RGMB: variants seen among roughly 807,000 people sequenced by gnomAD.
RGMB encodes repulsive guidance molecule B.
RGMB carries 16 observed loss-of-function variants against 26.9 expected under a neutral mutation model. That is an observed-to-expected ratio of 0.60 (90% confidence interval 0.40 to 0.90). The LOEUF is 0.90. RGMB is among the 40% of genes least tolerant of loss of function. The pLI is 0.00. For missense variants in RGMB, 512 were observed against 573.3 expected (o/e 0.89, Z 1.09); for synonymous variants, 225 against 229.3 (o/e 0.98, Z 0.17).
intron 2 of RGMB, among the ~76,000 whole-genome samples, chr5:98,781,922 T>C (rs1004883446): frequency 6.6e-6 from 1 of 152,214 alleles, no homozygotes; most frequent in African/African-American, 2.4e-5. Flanking sequence ...TTGTAATTTT[T>C]AGCAAATAAA....
chr5:98,772,335 T>A (rs1746192958), upstream of RGMB, among the ~76,000 whole-genome samples: 1 of 152,198 alleles, frequency 6.6e-6, no homozygotes, highest in Non-Finnish European at 1.5e-5. Flanking sequence ...TCAAAATGTG[T>A]CTAATAAGTG....
chr5:98,785,673 G>A (rs781459759), intron 2 of RGMB, among the ~76,000 whole-genome samples: 16 of 152,134 alleles, frequency 1.1e-4, no homozygotes, highest in Admixed American at 4.6e-4. Flanking sequence ...TGTCATAGTC[G>A]CCAGTTCTTA....
chr5:98,790,110 T>C (rs1227198978), intron 2 of RGMB, among the ~76,000 whole-genome samples: 1 of 152,224 alleles, frequency 6.6e-6, no homozygotes, highest in Non-Finnish European at 1.5e-5. Context: ...CATGTTGTAA[T>C]TGTTATGAGG....
chr5:98,778,053 GAAATTTAAAATTTA>G (rs936972379), intron 1 of RGMB, among the ~76,000 whole-genome samples: 3 of 152,140 alleles, frequency 2.0e-5, no homozygotes, highest in African/African-American at 4.8e-5. Context: ...AAGAAGATTT[GAAATTTAAAATTTA>G]AAATTTAAAA....
At chr5:98,780,209 A>C (rs1443432613) in intron 2 of RGMB, 121 bp downstream of exon 2, 2 of 856,206 alleles carry the variant, frequency 2.3e-6, no homozygotes, top group Non-Finnish European at 3.6e-6. Context: ...TTTGAAAAGC[A>C]ATTAACAGTT....
chr5:98,776,743 G>A (rs1746416414), intron 1 of RGMB, among the ~76,000 whole-genome samples: 1 of 151,580 alleles, frequency 6.6e-6, no homozygotes, highest in South Asian at 2.1e-4. Flanking sequence ...CGGGAGATCT[G>A]TTTGATTTGA....
chr5:98,774,332 A>G (rs537058992), intron 1 of RGMB, 126 bp downstream of exon 1: 3 of 974,554 alleles, frequency 3.1e-6, no homozygotes, highest in South Asian at 4.5e-5. Flanking sequence ...AGGCCTCCCG[A>G]GCCCCTGACA....
rs1294283172 is a variant in RGMB, at chr5:98,780,095, A to G, written c.645+7A>G. ...TGCTACTGCTACAAATAAGGCAAGT[A>G]TACCTTCTTTTTTCCCTCTCCCTAC... is the stretch of plus-strand genomic sequence containing the variant. On this transcript the variant is annotated splice_region_variant and intron_variant, in intron 2 of 2. Transcript: ENST00000513185. 11 of 1,598,620 alleles carry G rather than the reference A, an allele frequency of 6.9e-6. No individual in the cohort carries two copies. Among genetic ancestry groups the G allele is most frequent in the Non-Finnish European group, 6.0e-6 (7 of 1,176,186 alleles).
chr5:98,789,491 C>G (rs997685521), intron 2 of RGMB, among the ~76,000 whole-genome samples: 3 of 145,072 alleles, frequency 2.1e-5, no homozygotes, highest in African/African-American at 7.7e-5. Flanking sequence ...TTTTTTTTTT[C>G]TCCCGGTGGA....
Position 98,773,693 on chromosome 5 carries a change from C to A in RGMB, c.-378C>A, listed in dbSNP as rs1324627968. ...GATATCCGGGCCGCCGGTGGGTGGT[C>A]GCTAGGGCTGGGCCAGCCTCTTGGA... is the stretch of plus-strand genomic sequence containing the variant. On this transcript the variant is annotated 5_prime_UTR_variant, in exon 1 of 3. Coordinates refer to ENST00000513185, the MANE Select transcript of RGMB (RefSeq NM_001366508.1). 1.4e-5 allele frequency: 5 copies of A among 365,434 alleles called. No homozygotes were observed. Among genetic ancestry groups the A allele is most frequent in the Admixed American group, 9.3e-5 (2 of 21,392 alleles). The allele number at this position is 365,434 out of a possible 1,614,324, so 22.6% of individuals were successfully genotyped here.
chr5:98,780,690 G>C (rs1580279332), intron 2 of RGMB: 2 of 152,202 alleles, frequency 1.3e-5, no homozygotes, highest in African/African-American at 4.8e-5. Flanking sequence ...AGGGCCTCAG[G>C]TTAACAGTTT....
Position 98,796,489 on chromosome 5 carries a change from G to A in RGMB, c.*2736G>A, listed in dbSNP as rs1027646047. ...GAAAAATAAAGTTACATACCTTGCTGTGGAATGTCTGTTCTGTGATTATAG... is the reference window on the plus strand; with the variant it reads ...GAAAAATAAAGTTACATACCTTGCTATGGAATGTCTGTTCTGTGATTATAG... On this transcript the variant is annotated 3_prime_UTR_variant, in exon 3 of 3. Coordinates refer to ENST00000513185, the MANE Select transcript of RGMB (RefSeq NM_001366508.1). The A allele has an allele frequency of 3.3e-5, 5 of 152,138 alleles. No individual in the cohort carries two copies. Among genetic ancestry groups the A allele is most frequent in the African/African-American group, 7.2e-5 (3 of 41,416 alleles). The allele number at this position is 152,138 out of a possible 1,614,324, so 9.4% of individuals were successfully genotyped here.
intron 2 of RGMB, among the ~76,000 whole-genome samples, chr5:98,789,713 G>C (rs915851645): frequency 6.6e-6 from 1 of 152,162 alleles, no homozygotes; most frequent in African/African-American, 2.4e-5. Context: ...GGGGCTGGGT[G>C]GAGGAGGTTT....
At chr5:98,786,074 T>A (rs1257457837) in intron 2 of RGMB, among the ~76,000 whole-genome samples, 2 of 152,244 alleles carry the variant, frequency 1.3e-5, no homozygotes, top group African/African-American at 2.4e-5. Flanking sequence ...ATAAATGAGC[T>A]ACCTGTTTAT....
Position 98,793,955 on chromosome 5 carries a change from CA to C in RGMB, c.*204del. 2.0e-6 allele frequency: 1 copy of C among 494,190 alleles called. No homozygotes were observed. The highest frequency in any genetic ancestry group is 3.5e-6 in the Non-Finnish European group (1 of 285,730). 30.6% of individuals were successfully genotyped at this position (494,190 alleles called of 1,614,324 possible). On this transcript the variant is annotated 3_prime_UTR_variant, in exon 3 of 3. Transcript: ENST00000513185. ...TGGATGTAGTGTTCTTTGATTGTAT[CA>C]ATTTTGTTTTGCAGTTCTGTGAAAT...
chr5:98,790,212 G>A (rs1489268209), intron 2 of RGMB, among the ~76,000 whole-genome samples: 1 of 152,156 alleles, frequency 6.6e-6, no homozygotes, highest in Non-Finnish European at 1.5e-5. Flanking sequence ...TACCTGCTCA[G>A]TGCATATTTA....
intron 2 of RGMB, among the ~76,000 whole-genome samples, chr5:98,788,826 T>C (rs1472682247): frequency 6.6e-6 from 1 of 152,202 alleles, no homozygotes; most frequent in African/African-American, 2.4e-5. Flanking sequence ...ATTTGGGTTT[T>C]TTAGGAATGG....
chr5:98,790,120 G>A (rs1184138326), intron 2 of RGMB, among the ~76,000 whole-genome samples: 3 of 152,172 alleles, frequency 2.0e-5, no homozygotes, highest in Non-Finnish European at 4.4e-5. Flanking sequence ...TTGTTATGAG[G>A]AATGAAAGTG....
At chr5:98,769,265 G>C (rs1323610232), upstream of RGMB, 3 of 152,182 alleles carry the variant, frequency 2.0e-5, no homozygotes, top group Non-Finnish European at 4.4e-5. Context: ...AGGGGTTGCC[G>C]GGGGGAGAGG....
Sources: allele counts gnomAD v4.1 joint callset (sites outside exome capture counted in the v4.1 genomes callset), GRCh38; gene constraint gnomAD v4.1.1; transcripts MANE v1.5; gene names NCBI Gene and HGNC (gene_info 2026-07-23, HGNC 2026-07-21).